Variants in HDAC7 observed in about 807,000 individuals in gnomAD.
HDAC7 encodes histone deacetylase 7.
A neutral mutation model predicts 115.5 loss-of-function variants in HDAC7; 26 were observed. The observed-to-expected ratio is 0.23, with a 90% CI of 0.16 to 0.31. The LOEUF (loss-of-function observed/expected upper bound fraction) is 0.31, where lower values mean the gene tolerates loss of function less well. Ranked by LOEUF, HDAC7 falls within the 10% of genes least tolerant of loss-of-function variation. HDAC7 has a pLI of 1.00. For synonymous variants in HDAC7, 564 were observed against 550.9 expected, an observed-to-expected ratio of 1.02 and a Z score of -0.33; for missense variants, 1,068 against 1,329.0, an observed-to-expected ratio of 0.80 and a Z score of 3.05.
At chr12:47,790,018 G>A (rs1030348010) in intron 16 of HDAC7, 98 bp from the exon 17 acceptor site, 6 of 868,380 alleles carry the variant, frequency 6.9e-6, no homozygotes, top group African/African-American at 3.3e-5. Context: ...GACCCCAGGG[G>A]CAGGGAGCTG....
chr12:47,793,287 G>A lies in HDAC7; in HGVS notation c.1678+82C>T, dbSNP rs2136950691. The stretch of plus-strand genomic sequence containing the variant: ...TAAGCACTCTGTGGCCTCTAAAAAT[G>A]TCCCAAGTGACACCAAGACACCCAC... On this transcript the variant is annotated intron_variant, in intron 13 of 25. Coordinates refer to ENST00000080059, the MANE Select transcript of HDAC7 (RefSeq NM_015401.5). This position sits in a 1 kb window ranked among gnomAD's most constrained non-coding sequence, Gnocchi z 4.5. The A allele has an allele frequency of 9.2e-7, 1 of 1,082,022 alleles. No homozygotes were observed. Among genetic ancestry groups the A allele is most frequent in the Non-Finnish European group, 1.3e-6 (1 of 770,652 alleles). 67.0% of individuals were successfully genotyped at this position (1,082,022 alleles called of 1,614,324 possible).
chr12:47,812,570 G>A (rs1346375720), intron 1 of HDAC7, among the ~76,000 whole-genome samples: 1 of 152,154 alleles, frequency 6.6e-6, no homozygotes, highest in Non-Finnish European at 1.5e-5. Context: ...AGCAAAATGT[G>A]CCCATAATCA....
intron 1 of HDAC7, among the ~76,000 whole-genome samples, chr12:47,816,477 T>C (rs892510174): frequency 6.6e-6 from 1 of 151,884 alleles, no homozygotes; most frequent in Admixed American, 6.6e-5. Context: ...AACCACCACA[T>C]AGATCACAAA....
intron 1 of HDAC7, among the ~76,000 whole-genome samples, chr12:47,805,492 C>T (rs1944361252): frequency 6.6e-6 from 1 of 152,204 alleles, no homozygotes; most frequent in South Asian, 2.1e-4. Flanking sequence ...TCCCTTCACA[C>T]CCGAGGTTGC....
At chr12:47,792,324 C>A in intron 13 of HDAC7, 1 of 423,498 alleles carries the variant, frequency 2.4e-6, no homozygotes, top group Non-Finnish European at 4.3e-6. Context: ...ACTCGAGGGC[C>A]CAGCACCAGG....
rs757250752 is a variant in HDAC7, at chr12:47,798,646, T to C, written c.265A>G (p.Met89Val). The C allele has an allele frequency of 6.2e-7, 1 of 1,612,910 alleles. No homozygotes were observed. The highest frequency in any genetic ancestry group is 8.5e-7 in the Non-Finnish European group (1 of 1,179,492). Residue 89 changes from methionine to valine, a missense_variant, in exon 4 of 26, where the codon ATG (methionine) becomes GTG (valine). By Grantham distance (21) the Met-to-Val change is conservative. Around this residue, in one of 6 missense-constraint regions of HDAC7, gnomAD observed 161 missense variants for 158.5 expected, o/e 1.02. Coordinates refer to ENST00000080059, the MANE Select transcript of HDAC7 (RefSeq NM_015401.5). This position sits in a 1 kb window ranked among gnomAD's most constrained non-coding sequence, Gnocchi z 4.3. ...QRSVEPMRLS[M>V]DTPMPELQVG... ...TGCAACTCGGGCATCGGCGTGTCCA[T>C]GGAGAGCTGTGGGCAGGGCCGGCAG...
At chr12:47,819,052 C>G (rs1227931578) in intron 1 of HDAC7, 1 of 152,592 alleles carries the variant, frequency 6.6e-6, no homozygotes, top group Non-Finnish European at 1.5e-5. Flanking sequence ...ATCCTGTCCC[C>G]CACCCCTCAC....
rs988030776 is a variant in HDAC7, at chr12:47,787,968, C to T, written c.2355+77G>A. ...CAGCAGTCTGCCCAGGATCACACAGCTCGTCATGACAGAGGCAGAGTAAGT... is the reference window on the plus strand; with the variant it reads ...CAGCAGTCTGCCCAGGATCACACAGTTCGTCATGACAGAGGCAGAGTAAGT... On this transcript the variant is annotated intron_variant, in intron 20 of 25. Transcript: ENST00000080059. The T allele has an allele frequency of 1.3e-5, 20 of 1,587,218 alleles. No homozygotes were observed. In the African/African-American group the frequency reaches 2.6e-4, roughly 20 times the overall value.
chr12:47,787,588 C>T, intron 21 of HDAC7, 124 bp downstream of exon 21: 1 of 655,452 alleles, frequency 1.5e-6, no homozygotes, highest in Non-Finnish European at 2.7e-6. Flanking sequence ...CTGGCGTTCA[C>T]CTACAATGTC....
intron 13 of HDAC7, 194 bp from the exon 14 acceptor site, chr12:47,792,198 C>A (rs1240086033): frequency 1.6e-6 from 1 of 608,026 alleles, no homozygotes; most frequent in Non-Finnish European, 2.8e-6. Flanking sequence ...TGTCCACACA[C>A]GCCCAGACAC....
At chr12:47,813,670 T>C (rs73291248) in intron 1 of HDAC7, among the ~76,000 whole-genome samples, 10,372 of 146,896 alleles carry the variant, frequency 0.071, 1,174 homozygotes, top group African/African-American at 0.24. Context: ...GCCCAGGGCC[T>C]TCCTGACGAG....
At position 47,783,545 on chromosome 12, in the gene HDAC7, T is replaced by C. The variant is rs970007647; in HGVS notation, c.*296A>G. ...CCGGAGCCAGTCCTCCTCTGTGCAG[T>C]CCTGAGGAATGGGGGCCACAGCCAG... On this transcript the variant is annotated 3_prime_UTR_variant, in exon 26 of 26. Transcript: ENST00000080059. The C allele has an allele frequency of 1.5e-5, 7 of 467,176 alleles. No individual in the cohort carries two copies. Among genetic ancestry groups the C allele is most frequent in the Non-Finnish European group, 2.8e-5 (7 of 253,420 alleles). The allele number at this position is 467,176 out of a possible 1,614,324, so 28.9% of individuals were successfully genotyped here.
chr12:47,818,843 T>G (rs908997977), intron 1 of HDAC7, among the ~76,000 whole-genome samples: 1 of 152,132 alleles, frequency 6.6e-6, no homozygotes, highest in Non-Finnish European at 1.5e-5. Context: ...CAGCCGTGGC[T>G]GGGGAGGTCA....
chr12:47,789,946 C>T (rs1943388662), intron 16 of HDAC7, 26 bp from the exon 17 acceptor site: 12 of 1,545,376 alleles, frequency 7.8e-6, no homozygotes, highest in Non-Finnish European at 1.1e-5. Flanking sequence ...TCAGGGCCCG[C>T]ATCATCCAAG....
Position 47,783,490 on chromosome 12 carries a change from G to C in HDAC7, c.*351C>G, listed in dbSNP as rs957330709. On this transcript the variant is annotated 3_prime_UTR_variant, in exon 26 of 26. Transcript: ENST00000080059. ...CAAAGTCTGGGGTTTGCAGAGCCAG[G>C]AATAGTGGTTAAGGGTGAGCCCGAC... is the stretch of plus-strand genomic sequence containing the variant. 11 of 306,400 alleles carry C rather than the reference G, an allele frequency of 3.6e-5. No individual in the cohort carries two copies. Among genetic ancestry groups the C allele is most frequent in the Non-Finnish European group, 6.4e-5 (10 of 157,042 alleles). 19.0% of individuals were successfully genotyped at this position (306,400 alleles called of 1,614,324 possible). A position where few individuals can be genotyped will look rare whatever the true frequency, so the allele number is the denominator to read the frequency against.
rs1008342404 is a variant in HDAC7 at position 47,795,702 on chromosome 12, G to A, written c.972C>T (p.His324=). 9 of 1,550,116 alleles carry A rather than the reference G, an allele frequency of 5.8e-6. No individual in the cohort carries two copies. In the East Asian group the frequency reaches 2.0e-4, roughly 34 times the overall value. ...GPRGPILGSP[H]TPLFLPHGLE... is the part of the protein sequence containing the mutation. Reference sequence around the variant, plus strand: ...AGCCATGGGGCAGGAAGAGGGGAGTGTGGGGGCTCCCCAGGATTGGCCCCC... The same window carrying A: ...AGCCATGGGGCAGGAAGAGGGGAGTATGGGGGCTCCCCAGGATTGGCCCCC... Residue 324 remains histidine, a synonymous_variant, in exon 10 of 26, where the codon CAC becomes CAT. Coordinates refer to ENST00000080059, the MANE Select transcript of HDAC7 (RefSeq NM_015401.5). The surrounding 1 kb of genome is among the most constrained non-coding windows in gnomAD (Gnocchi z 4.3).
intron 1 of HDAC7, among the ~76,000 whole-genome samples, chr12:47,808,327 C>T (rs1288947189): frequency 6.6e-6 from 1 of 152,164 alleles, no homozygotes; most frequent in Admixed American, 6.5e-5. Context: ...CGCCCCCCCA[C>T]CCCACCTCCA....
chr12:47,806,299 C>A (rs1331855943), intron 1 of HDAC7, among the ~76,000 whole-genome samples: 2 of 152,218 alleles, frequency 1.3e-5, no homozygotes, highest in African/African-American at 4.8e-5. Context: ...GGTTTAAGCC[C>A]CGACTCCCTC....
In HDAC7 at chr12:47,796,261, C is replaced by T. The variant is rs11831883; in HGVS notation, c.741G>A (p.Gly247=). 451,704 of 1,597,578 alleles carry T rather than the reference C, an allele frequency of 0.28. 67,486 individuals carry two copies. Among genetic ancestry groups the T allele is most frequent in the Non-Finnish European group, 0.31 (361,027 of 1,175,210 alleles). Residue 247 remains glycine, a synonymous_variant, in exon 8 of 26, where the codon GGG becomes GGA. Transcript: ENST00000080059. ...GCTCGCTGTCATTGGGGGAGCTGCA[C>T]CCTGATGCGGGCGTGCTGCTACTAC... is the stretch of plus-strand genomic sequence containing the variant. The part of the protein sequence containing the change: ...SPSSSSTPAS[G]CSSPNDSEHG...
Sources: allele counts gnomAD v4.1 joint callset (sites outside exome capture counted in the v4.1 genomes callset), GRCh38; gene constraint gnomAD v4.1.1; regional missense constraint gnomAD v4.1.1; non-coding constraint Gnocchi (gnomAD v3.1); transcripts MANE v1.5; gene names NCBI Gene and HGNC (gene_info 2026-07-23, HGNC 2026-07-21).